The following RXFP3 variants were observed in gnomAD, a reference collection of about 807,000 sequenced individuals.
RXFP3 encodes the protein relaxin-3 receptor 1.
In RXFP3, 31 loss-of-function variants were observed where a neutral mutation model predicts 27.3. The ratio of observed to expected loss-of-function variants is 1.13; its 90% CI spans 0.85 to 1.53. The LOEUF is 1.53. RXFP3 is among the 40% of genes most tolerant of loss of function. The pLI is 0.00. For synonymous variants in RXFP3, 351 were observed against 293.6 expected, an observed-to-expected ratio of 1.20 and a Z score of -2.00; for missense variants, 684 against 642.1, an observed-to-expected ratio of 1.07 and a Z score of -0.70.
rs1579526095 is a variant in RXFP3 at position 33,938,331 on chromosome 5, G to A, written c.*181G>A. Reference sequence around the variant, plus strand: ...CGAGGACCTTCTCTGGAGAGGAGATGCTTCGAAATCGGGTGGAGAGAGGAA... The same window carrying A: ...CGAGGACCTTCTCTGGAGAGGAGATACTTCGAAATCGGGTGGAGAGAGGAA... On this transcript the variant is annotated 3_prime_UTR_variant, in exon 1 of 1. Coordinates refer to ENST00000330120, the MANE Select transcript of RXFP3 (RefSeq NM_016568.3). 4.8e-6 allele frequency: 3 copies of A among 630,782 alleles called. No individual in the cohort carries two copies. The highest frequency in any genetic ancestry group is 8.4e-6 in the Non-Finnish European group (3 of 357,080). 39.1% of individuals were successfully genotyped at this position (630,782 alleles called of 1,614,324 possible). A position where few individuals can be genotyped will look rare whatever the true frequency, so the allele number is the denominator to read the frequency against.
chr5:33,937,874 G>A lies in RXFP3; in HGVS notation c.1134G>A (p.Ala378=). Residue 378 remains alanine (A), a synonymous_variant, in exon 1 of 1, where the codon GCG becomes GCA. Coordinates refer to ENST00000330120, the MANE Select transcript of RXFP3 (RefSeq NM_016568.3). The stretch of plus-strand genomic sequence containing the variant: ...CGTTCCCTGTGAGCGTGTGCCTAGC[G>A]CACTCCAACAGCTGCCTCAACCCCG... ...VYAFPVSVCL[A]HSNSCLNPVL... The A allele has an allele frequency of 6.2e-7, 1 of 1,614,050 alleles. No individual in the cohort carries two copies. Among genetic ancestry groups the A allele is most frequent in the Non-Finnish European group, 8.5e-7 (1 of 1,180,046 alleles).
At position 33,937,114 on chromosome 5, in the gene RXFP3, C is replaced by A. The variant is rs763707487; in HGVS notation, c.374C>A (p.Ala125Glu). 6.2e-7 allele frequency: 1 copy of A among 1,613,080 alleles called. No homozygotes were observed. The highest frequency in any genetic ancestry group is 8.5e-7 in the Non-Finnish European group (1 of 1,179,118). Residue 125 changes from alanine (A) to glutamate (E), a missense_variant, in exon 1 of 1, where the codon GCG (alanine) becomes GAG (glutamate). By Grantham distance (107) the Ala-to-Glu change is moderately radical. Transcript: ENST00000330120. ...SSINLFVTNL[A>E]LTDFQFVLTL... ...ATCAACCTCTTCGTCACCAACCTGG[C>A]GCTGACGGACTTTCAGTTTGTGCTC...
In RXFP3 at chr5:33,937,093, A is replaced by G; in HGVS notation, c.353A>G (p.Asn118Ser). 6.2e-7 allele frequency: 1 copy of G among 1,613,854 alleles called. No homozygotes were observed. The highest frequency in any genetic ancestry group is 1.3e-5 in the African/African-American group (1 of 75,042). The change falls in exon 1 of 1, where the codon AAC (asparagine) becomes AGC (serine). Residue 118 changes from asparagine to serine, a missense_variant. Transcript: ENST00000330120. Reference sequence around the variant, plus strand: ...CAGGGCTGGCGCAAGTCCTCTATCAACCTCTTCGTCACCAACCTGGCGCTG... The same window carrying G: ...CAGGGCTGGCGCAAGTCCTCTATCAGCCTCTTCGTCACCAACCTGGCGCTG... ...SMQGWRKSSINLFVTNLALTD... is the reference protein window; with the variant it reads ...SMQGWRKSSISLFVTNLALTD...
Position 33,938,349 on chromosome 5 carries a change from G to C in RXFP3, c.*199G>C, listed in dbSNP as rs894252929. 1 of 610,368 alleles carries C rather than the reference G, an allele frequency of 1.6e-6. No homozygotes were observed. Among genetic ancestry groups the C allele is most frequent in the Non-Finnish European group, 2.9e-6 (1 of 341,996 alleles). The allele number at this position is 610,368 out of a possible 1,614,324, so 37.8% of individuals were successfully genotyped here. ...AGGAGATGCTTCGAAATCGGGTGGA[G>C]AGAGGAAATTGGCAAAGGGATAGAG... On this transcript the variant is annotated 3_prime_UTR_variant, in exon 1 of 1. Transcript: ENST00000330120.
chr5:33,937,736 C>A lies in RXFP3; in HGVS notation c.996C>A (p.Val332=). 1 of 1,613,978 alleles carries A rather than the reference C, an allele frequency of 6.2e-7. No homozygotes were observed. The highest frequency in any genetic ancestry group is 8.5e-7 in the Non-Finnish European group (1 of 1,180,008). The change falls in exon 1 of 1, where the codon GTC becomes GTA. Residue 332 remains valine, a synonymous_variant. Transcript: ENST00000330120. ...SKVTKSVTIV[V]LSFFLCWLPN... The stretch of plus-strand genomic sequence containing the variant: ...TCACCAAATCAGTGACCATCGTTGT[C>A]CTGTCCTTCTTCCTGTGTTGGCTGC...
Position 33,936,994 on chromosome 5 carries a change from G to C in RXFP3, c.254G>C (p.Ser85Thr). Residue 85 changes from serine to threonine, a missense_variant, in exon 1 of 1, where the codon AGC (serine) becomes ACC (threonine). By Grantham distance (58) the Ser-to-Thr change is moderately conservative. Transcript: ENST00000330120. The stretch of plus-strand genomic sequence containing the variant: ...GAGGCCCGGGTGCGGATTCTCATCA[G>C]CGTGGTGTACTGGGTGGTGTGCGCC... ...DTEARVRILI[S>T]VVYWVVCALG... The C allele has an allele frequency of 6.2e-7, 1 of 1,613,768 alleles. No homozygotes were observed. The highest frequency in any genetic ancestry group is 8.5e-7 in the Non-Finnish European group (1 of 1,179,852).
Position 33,937,199 on chromosome 5 carries a change from C to G in RXFP3, c.459C>G (p.Ala153=). Residue 153 remains alanine, a synonymous_variant, in exon 1 of 1, where the codon GCC becomes GCG. Coordinates refer to ENST00000330120, the MANE Select transcript of RXFP3 (RefSeq NM_016568.3). The part of the protein sequence containing the change: ...ALDFKWPFGK[A]MCKIVSMVTS... ...ACTTCAAATGGCCCTTCGGCAAGGC[C>G]ATGTGTAAGATCGTGTCCATGGTGA... 6.2e-7 allele frequency: 1 copy of G among 1,614,142 alleles called. No individual in the cohort carries two copies. Among genetic ancestry groups the G allele is most frequent in the Non-Finnish European group, 8.5e-7 (1 of 1,179,996 alleles).
In RXFP3 at chr5:33,938,385, C is replaced by A; in HGVS notation, c.*235C>A. 2 of 568,500 alleles carry A rather than the reference C, an allele frequency of 3.5e-6. No homozygotes were observed. The highest frequency in any genetic ancestry group is 6.3e-6 in the Non-Finnish European group (2 of 316,980). The allele number at this position is 568,500 out of a possible 1,614,324, so 35.2% of individuals were successfully genotyped here. A position where few individuals can be genotyped will look rare whatever the true frequency, so the allele number is the denominator to read the frequency against. ...GGCAAAGGGATAGAGACGAGCCCCACGGGCCAGACAGCCAACCTCCGCTCC... is the reference window on the plus strand; with the variant it reads ...GGCAAAGGGATAGAGACGAGCCCCAAGGGCCAGACAGCCAACCTCCGCTCC... On this transcript the variant is annotated 3_prime_UTR_variant, in exon 1 of 1. Transcript: ENST00000330120.
At position 33,936,920 on chromosome 5, in the gene RXFP3, G is replaced by A. The variant is rs747578372; in HGVS notation, c.180G>A (p.Ala60=). The A allele has an allele frequency of 1.2e-6, 2 of 1,600,354 alleles. No individual in the cohort carries two copies. The highest frequency in any genetic ancestry group is 8.5e-7 in the Non-Finnish European group (1 of 1,169,820). The part of the protein sequence containing the change: ...WELGLELPDG[A]PPGHPPGSGG... The stretch of plus-strand genomic sequence containing the variant: ...TGGGGCTGGAGTTGCCGGACGGCGC[G>A]CCGCCAGGACATCCCCCGGGCAGCG... Residue 60 remains alanine (A), a synonymous_variant, in exon 1 of 1, where the codon GCG becomes GCA. Coordinates refer to ENST00000330120, the MANE Select transcript of RXFP3 (RefSeq NM_016568.3).
In RXFP3 at chr5:33,938,419, C is replaced by T. The variant is rs1011557454; in HGVS notation, c.*269C>T. The stretch of plus-strand genomic sequence containing the variant: ...CAGCCAACCTCCGCTCCGCACCCCA[C>T]AGCCTCTCCTTACTCTTCCCACGCT... On this transcript the variant is annotated 3_prime_UTR_variant, in exon 1 of 1. Transcript: ENST00000330120. 6.6e-6 allele frequency among the ~76,000 whole-genome samples: 1 copy of T among 152,242 alleles called. No homozygotes were observed. The highest frequency in any genetic ancestry group is 1.5e-5 in the Non-Finnish European group (1 of 68,038).
In RXFP3 at chr5:33,937,709, G is replaced by A. The variant is rs1355746751; in HGVS notation, c.969G>A (p.Lys323=). The change falls in exon 1 of 1, where the codon AAG becomes AAA. Residue 323 remains lysine, a synonymous_variant. Transcript: ENST00000330120. The part of the protein sequence containing the change: ...PTGASARRLS[K]VTKSVTIVVL... Reference sequence around the variant, plus strand: ...GAGCCAGCGCCCGGAGACTGTCGAAGGTCACCAAATCAGTGACCATCGTTG... The same window carrying A: ...GAGCCAGCGCCCGGAGACTGTCGAAAGTCACCAAATCAGTGACCATCGTTG... 1 of 1,613,500 alleles carries A rather than the reference G, an allele frequency of 6.2e-7. No individual in the cohort carries two copies. Among genetic ancestry groups the A allele is most frequent in the Non-Finnish European group, 8.5e-7 (1 of 1,179,946 alleles).
In RXFP3 at chr5:33,937,872, G is replaced by C. The variant is rs1751708155; in HGVS notation, c.1132G>C (p.Ala378Pro). The change falls in exon 1 of 1, where the codon GCG (alanine) becomes CCG (proline). Residue 378 changes from alanine (A) to proline (P), a missense_variant. Transcript: ENST00000330120. ...VYAFPVSVCL[A>P]HSNSCLNPVL... is the part of the protein sequence containing the mutation. ...CGCGTTCCCTGTGAGCGTGTGCCTA[G>C]CGCACTCCAACAGCTGCCTCAACCC... 1 of 1,613,908 alleles carries C rather than the reference G, an allele frequency of 6.2e-7. No individual in the cohort carries two copies. The highest frequency in any genetic ancestry group is 8.5e-7 in the Non-Finnish European group (1 of 1,180,026).
rs967907075 is a variant in RXFP3 at position 33,937,820 on chromosome 5, C to G, written c.1080C>G (p.Ser360Arg). The change falls in exon 1 of 1, where the codon AGC (serine) becomes AGG (arginine). Residue 360 changes from serine to arginine, a missense_variant. Transcript: ENST00000330120. Reference sequence around the variant, plus strand: ...TCAAGTTCAACGCGGTGCCCTTCAGCCAGGAGTATTTCCTGTGCCAGGTAT... The same window carrying G: ...TCAAGTTCAACGCGGTGCCCTTCAGGCAGGAGTATTTCCTGTGCCAGGTAT... The part of the protein sequence containing the change: ...ILIKFNAVPF[S>R]QEYFLCQVYA... 3 of 1,614,174 alleles carry G rather than the reference C, an allele frequency of 1.9e-6. No homozygotes were observed. Among genetic ancestry groups the G allele is most frequent in the Non-Finnish European group, 1.7e-6 (2 of 1,180,020 alleles).
In RXFP3 at chr5:33,938,166, C is replaced by T; in HGVS notation, c.*16C>T. The stretch of plus-strand genomic sequence containing the variant: ...TGCCTACTGACGCAGGCCTCAGGCC[C>T]AGGGCGCGCCGTCGGGGCAAGGTGG... On this transcript the variant is annotated 3_prime_UTR_variant, in exon 1 of 1. Transcript: ENST00000330120. 1 of 1,557,254 alleles carries T rather than the reference C, an allele frequency of 6.4e-7. No individual in the cohort carries two copies. The highest frequency in any genetic ancestry group is 8.7e-7 in the Non-Finnish European group (1 of 1,155,012).
At position 33,936,665 on chromosome 5, in the gene RXFP3, G is replaced by A; in HGVS notation, c.-76G>A. 1 of 1,395,386 alleles carries A rather than the reference G, an allele frequency of 7.2e-7. No individual in the cohort carries two copies. Among genetic ancestry groups the A allele is most frequent in the African/African-American group, 1.4e-5 (1 of 69,780 alleles). 86.4% of individuals were successfully genotyped at this position (1,395,386 alleles called of 1,614,324 possible). A position where few individuals can be genotyped will look rare whatever the true frequency, so the allele number is the denominator to read the frequency against. ...GCTCCCACGCACGTCCCGCAGGCTAGCCTGGCAACAAAACTGGGGTAAACC... is the reference window on the plus strand; with the variant it reads ...GCTCCCACGCACGTCCCGCAGGCTAACCTGGCAACAAAACTGGGGTAAACC... On this transcript the variant is annotated 5_prime_UTR_variant, in exon 1 of 1. Coordinates refer to ENST00000330120, the MANE Select transcript of RXFP3 (RefSeq NM_016568.3).
In RXFP3 at chr5:33,938,073, C is replaced by A; in HGVS notation, c.1333C>A (p.Leu445Met). 1 of 1,611,408 alleles carries A rather than the reference C, an allele frequency of 6.2e-7. No individual in the cohort carries two copies. Among genetic ancestry groups the A allele is most frequent in the South Asian group, 1.1e-5 (1 of 90,986 alleles). The change falls in exon 1 of 1, where the codon CTG becomes ATG. Residue 445 changes from leucine (L) to methionine (M), a missense_variant. Physicochemically the swap from Leu to Met is conservative, Grantham distance 15. Transcript: ENST00000330120. Reference sequence around the variant, plus strand: ...GCCCCACGCGGCCGCGGAGCCGGACCTGCTCTACTACCCACCTGGCGTCGT... The same window carrying A: ...GCCCCACGCGGCCGCGGAGCCGGACATGCTCTACTACCCACCTGGCGTCGT... ...APPHAAAEPD[L>M]LYYPPGVVVY... is the part of the protein sequence containing the mutation.
rs749656963 is a variant in RXFP3, at chr5:33,937,692, G to A, written c.952G>A (p.Ala318Thr). The A allele has an allele frequency of 2.5e-6, 4 of 1,612,430 alleles. No individual in the cohort carries two copies. The highest frequency in any genetic ancestry group is 3.4e-6 in the Non-Finnish European group (4 of 1,179,518). The change falls in exon 1 of 1, where the codon GCC becomes ACC. Residue 318 changes from alanine to threonine, a missense_variant. By Grantham distance (58) the Ala-to-Thr change is moderately conservative. Coordinates refer to ENST00000330120, the MANE Select transcript of RXFP3 (RefSeq NM_016568.3). ...CGGAGGACGCCCGACCGGAGCCAGC[G>A]CCCGGAGACTGTCGAAGGTCACCAA... ...VAGGRPTGAS[A>T]RRLSKVTKSV...
chr5:33,936,684 G>A lies in RXFP3; in HGVS notation c.-57G>A. The A allele has an allele frequency of 2.1e-6, 3 of 1,462,808 alleles. No individual in the cohort carries two copies. The highest frequency in any genetic ancestry group is 2.7e-6 in the Non-Finnish European group (3 of 1,097,798). The allele number at this position is 1,462,808 out of a possible 1,614,324, so 90.6% of individuals were successfully genotyped here. ...AGGCTAGCCTGGCAACAAAACTGGGGTAAACCGTGTTATCTTAGGTCTTGT... is the reference window on the plus strand; with the variant it reads ...AGGCTAGCCTGGCAACAAAACTGGGATAAACCGTGTTATCTTAGGTCTTGT... On this transcript the variant is annotated 5_prime_UTR_variant, in exon 1 of 1. Transcript: ENST00000330120.
rs765327529 is a variant in RXFP3, at chr5:33,936,955, A to G, written c.215A>G (p.Glu72Gly). ...PGHPPGSGGA[E>G]SADTEARVRI... ...CATCCCCCGGGCAGCGGCGGGGCAGAGAGCGCGGACACAGAGGCCCGGGTG... is the reference window on the plus strand; with the variant it reads ...CATCCCCCGGGCAGCGGCGGGGCAGGGAGCGCGGACACAGAGGCCCGGGTG... Residue 72 changes from glutamate (E) to glycine (G), a missense_variant, in exon 1 of 1, where the codon GAG becomes GGG. Transcript: ENST00000330120. The G allele has an allele frequency of 1.2e-6, 2 of 1,605,994 alleles. No individual in the cohort carries two copies. The highest frequency in any genetic ancestry group is 1.1e-5 in the South Asian group (1 of 90,720).
Sources: allele counts gnomAD v4.1 joint callset (sites outside exome capture counted in the v4.1 genomes callset), GRCh38; gene constraint gnomAD v4.1.1; transcripts MANE v1.5; gene names NCBI Gene and HGNC (gene_info 2026-07-23, HGNC 2026-07-21).